The following FRY variants were observed in gnomAD, a reference collection of about 807,000 sequenced individuals.
FRY encodes the protein FRY microtubule binding protein, also known as protein furry homolog.
In FRY, 128 loss-of-function variants were observed where a neutral mutation model predicts 348.4. The observed-to-expected ratio is 0.37, with a 90% confidence interval of 0.32 to 0.43. FRY has a LOEUF of 0.43. FRY is among the 20% of genes least tolerant of loss of function. FRY has a pLI of 1.00. For synonymous variants in FRY, 1,370 were observed against 1,374.7 expected, an observed-to-expected ratio of 1.00 and a Z score of 0.08; for missense variants, 2,736 against 3,695.2, an observed-to-expected ratio of 0.74 and a Z score of 6.73.
rs1888737752 is a variant in FRY at position 32,280,109 on chromosome 13, A to C, written c.8469+1561A>C. On this transcript the variant is annotated intron_variant, in intron 58 of 60. Transcript: ENST00000542859. ...TCTGGATGGGAAGCAGGGCCATAGC[A>C]GTTGCCCGTTCTATAGCTGAAGACA... Among the ~76,000 whole-genome samples the C allele has an allele frequency of 1.3e-5, 2 of 152,168 alleles. 1 individual carries two copies. Among genetic ancestry groups the C allele is most frequent in the Non-Finnish European group, 2.9e-5 (2 of 68,042 alleles).
At chr13:32,252,056 A>T in intron 50 of FRY, 104 bp downstream of exon 50, 1 of 814,212 alleles carries the variant, frequency 1.2e-6, no homozygotes, top group Non-Finnish European at 2.2e-6. Context: ...ACTGTGAATG[A>T]CAAGTATGAT....
chr13:32,278,928 A>G (rs1009450271), intron 58 of FRY, among the ~76,000 whole-genome samples: 12 of 152,208 alleles, frequency 7.9e-5, no homozygotes, highest in African/African-American at 2.9e-4. Flanking sequence ...CAGTCACTCT[A>G]AAACAGATTT....
At position 32,235,941 on chromosome 13, in the gene FRY, C is replaced by G; in HGVS notation, c.5716-137C>G. On this transcript the variant is annotated intron_variant, in intron 42 of 60. Coordinates refer to ENST00000542859, the MANE Select transcript of FRY (RefSeq NM_023037.3). ...AGCCATCTGAATTTCCTAAGTGGCC[C>G]TTAAAGCTTATTTTAGACTTCATAA... 6 of 739,262 alleles carry G rather than the reference C, an allele frequency of 8.1e-6. 1 individual carries two copies. The highest frequency in any genetic ancestry group is 1.4e-5 in the Non-Finnish European group (6 of 419,318). The allele number at this position is 739,262 out of a possible 1,614,324, so 45.8% of individuals were successfully genotyped here. A position where few individuals can be genotyped will look rare whatever the true frequency, so the allele number is the denominator to read the frequency against.
intron 35 of FRY, among the ~76,000 whole-genome samples, chr13:32,213,175 G>T (rs1401854578): frequency 6.6e-6 from 1 of 152,194 alleles, no homozygotes; most frequent in Non-Finnish European, 1.5e-5. Flanking sequence ...GGATCCAGTG[G>T]TGAAAATAAC....
rs139965907 is a variant in FRY, at chr13:32,169,162, A to G, written c.1893-1850A>G. On this transcript the variant is annotated intron_variant, in intron 17 of 60. Coordinates refer to ENST00000542859, the MANE Select transcript of FRY (RefSeq NM_023037.3). ...CCTCTGTCTGCCCTTGCCCCACCAC[A>G]CTTCTATGCTTTGGGTCAGGCCCTC... Among the ~76,000 whole-genome samples, 5 of 151,980 alleles carry G rather than the reference A, an allele frequency of 3.3e-5. No homozygotes were observed. The East Asian group carries it at 7.7e-4, about 24-fold the overall frequency.
chr13:32,092,791 A>T (rs1275652491), intron 2 of FRY, among the ~76,000 whole-genome samples: 1 of 152,194 alleles, frequency 6.6e-6, no homozygotes, highest in Non-Finnish European at 1.5e-5. Context: ...GGCCACCCAA[A>T]TCCAGTCTGC....
In FRY at chr13:32,228,440, C is replaced by A. The variant is rs749778978; in HGVS notation, c.5207-16C>A. The A allele has an allele frequency of 8.1e-6, 13 of 1,605,140 alleles. No individual in the cohort carries two copies. The highest frequency in any genetic ancestry group is 1.1e-5 in the Non-Finnish European group (13 of 1,173,594). On this transcript the variant is annotated splice_polypyrimidine_tract_variant and intron_variant, in intron 39 of 60. Coordinates refer to ENST00000542859, the MANE Select transcript of FRY (RefSeq NM_023037.3). ...ACTGCCTAGTACATCCCTCCTTGAC[C>A]TTCTTCTCCCACCAGGTGGCTTTGA...
intron 55 of FRY, 72 bp from the exon 56 acceptor site, chr13:32,274,770 T>C: frequency 1.2e-6 from 1 of 855,078 alleles, no homozygotes. Context: ...AAGCTACCCC[T>C]CCCCCAAAAT....
intron 4 of FRY, among the ~76,000 whole-genome samples, chr13:32,120,179 T>A (rs184038704): frequency 4.5e-4 from 68 of 152,282 alleles, no homozygotes; most frequent in South Asian, 6.2e-4. Flanking sequence ...GCTAAATACT[T>A]TACATGTTTT....
chr13:32,285,666 C>A (rs773876244), intron 58 of FRY, among the ~76,000 whole-genome samples: 3 of 152,176 alleles, frequency 2.0e-5, no homozygotes, highest in Admixed American at 6.6e-5. Flanking sequence ...CACACAAGAC[C>A]TTGTAATTTA....
At chr13:32,074,304 CAAAA>C (rs1253325462) in intron 1 of FRY, among the ~76,000 whole-genome samples, 1 of 151,858 alleles carries the variant, frequency 6.6e-6, no homozygotes, top group Non-Finnish European at 1.5e-5. Flanking sequence ...TCATTTAAGA[CAAAA>C]GAAGGCAATG....
chr13:32,278,180 C>T (rs1485409349), intron 57 of FRY, among the ~76,000 whole-genome samples: 1 of 152,158 alleles, frequency 6.6e-6, no homozygotes, highest in East Asian at 1.9e-4. Context: ...TTCATTTACA[C>T]ATAAATTAGA....
chr13:32,142,347 A>G (rs1397011829), intron 11 of FRY, among the ~76,000 whole-genome samples: 1 of 152,250 alleles, frequency 6.6e-6, no homozygotes, highest in Non-Finnish European at 1.5e-5. Context: ...AATCTACTCC[A>G]TACATTGCTG....
At chr13:32,063,231 A>C (rs960868718) in intron 1 of FRY, among the ~76,000 whole-genome samples, 10 of 152,220 alleles carry the variant, frequency 6.6e-5, no homozygotes, top group Admixed American at 5.9e-4. Context: ...CATAGTCTTC[A>C]GTGTCCCTTT....
chr13:32,265,495 G>A lies in FRY; in HGVS notation c.7825G>A (p.Asp2609Asn). ...GGAGGACACCACCGTGCATGAGGAT[G>A]ATCTTTCTAGTTCCATCAATGAACT... ...EEEDTTVHED[D>N]LSSSINELPA... is the part of the protein sequence containing the mutation. Residue 2609 changes from aspartate (D) to asparagine (N), a missense_variant, in exon 54 of 61, where the codon GAT becomes AAT. Physicochemically the swap from Asp to Asn is conservative, Grantham distance 23 (BLOSUM62 1). Transcript: ENST00000542859. 1 of 1,614,200 alleles carries A rather than the reference G, an allele frequency of 6.2e-7. No homozygotes were observed. Among genetic ancestry groups the A allele is most frequent in the Non-Finnish European group, 8.5e-7 (1 of 1,180,028 alleles).
In FRY at chr13:32,276,524, T is replaced by A. The variant is rs2138604187; in HGVS notation, c.8347T>A (p.Leu2783Met). Residue 2783 changes from leucine to methionine, a missense_variant, in exon 57 of 61, where the codon TTG (leucine) becomes ATG (methionine). Leu to Met is a conservative substitution (Grantham distance 15). Transcript: ENST00000542859. ...CAGTGTGTTAGAACTGCAAGAATATTTGGATACCTACAACAACAGGAAAGA... is the reference window on the plus strand; with the variant it reads ...CAGTGTGTTAGAACTGCAAGAATATATGGATACCTACAACAACAGGAAAGA... ...KFSVLELQEY[L>M]DTYNNRKEAT... is the part of the protein sequence containing the mutation. 1 of 1,603,948 alleles carries A rather than the reference T, an allele frequency of 6.2e-7. No individual in the cohort carries two copies. Among genetic ancestry groups the A allele is most frequent in the East Asian group, 2.2e-5 (1 of 44,808 alleles).
intron 8 of FRY, 53 bp from the exon 9 acceptor site, chr13:32,134,851 A>T: frequency 9.7e-7 from 1 of 1,031,836 alleles, no homozygotes; most frequent in Non-Finnish European, 1.5e-6. Flanking sequence ...AATACATTCT[A>T]TGTGTACATT....
chr13:32,218,413 G>A (rs9567441), intron 35 of FRY, among the ~76,000 whole-genome samples: 13,274 of 152,244 alleles, frequency 0.087, 822 homozygotes, highest in East Asian at 0.25. Context: ...GGGCACAGTT[G>A]CTCACGCCTG....
rs781569148 is a variant in FRY at position 32,263,600 on chromosome 13, T to A, written c.7779+1125T>A. On this transcript the variant is annotated intron_variant, in intron 53 of 60. Transcript: ENST00000542859. The stretch of plus-strand genomic sequence containing the variant: ...AAAATTCTAAGATTATGAAATTAAA[T>A]TTCATAGAAAAAAATCACAAAATAT... 5.3e-4 allele frequency among the ~76,000 whole-genome samples: 80 copies of A among 152,206 alleles called. 1 individual carries two copies. Among genetic ancestry groups the A allele is most frequent in the Admixed American group, 3.9e-4 (6 of 15,286 alleles).
Sources: allele counts gnomAD v4.1 joint callset (sites outside exome capture counted in the v4.1 genomes callset), GRCh38; gene constraint gnomAD v4.1.1; transcripts MANE v1.5; gene names NCBI Gene and HGNC (gene_info 2026-07-23, HGNC 2026-07-21).